The following CALB1 variants were observed in gnomAD, a reference collection of about 807,000 sequenced individuals.
CALB1 encodes the protein calbindin.
In CALB1, 16 loss-of-function variants were observed where a neutral mutation model predicts 46.7. That is an observed-to-expected ratio of 0.34 (90% confidence interval 0.23 to 0.52). The LOEUF is 0.52. Ranked by LOEUF, CALB1 falls within the 20% of genes least tolerant of loss-of-function variation. The pLI is 0.95. For missense variants in CALB1, 224 were observed against 300.3 expected, an observed-to-expected ratio of 0.75 and a Z score of 1.88; for synonymous variants, 90 against 112.8, an observed-to-expected ratio of 0.80 and a Z score of 1.28.
At position 90,059,906 on chromosome 8, in the gene CALB1, G is replaced by T. The variant is rs538656978; in HGVS notation, c.*267C>A. On this transcript the variant is annotated 3_prime_UTR_variant, in exon 11 of 11. Coordinates refer to ENST00000265431, the MANE Select transcript of CALB1 (RefSeq NM_004929.4). Reference sequence around the variant, plus strand: ...AGGGAAATCTTGTTCAACTATATTTGTGAAAGCAAGAATATGTTATTTTTT... The same window carrying T: ...AGGGAAATCTTGTTCAACTATATTTTTGAAAGCAAGAATATGTTATTTTTT... 2 of 318,452 alleles carry T rather than the reference G, an allele frequency of 6.3e-6. No homozygotes were observed. Among genetic ancestry groups the T allele is most frequent in the African/African-American group, 2.1e-5 (1 of 46,882 alleles). 19.7% of individuals were successfully genotyped at this position (318,452 alleles called of 1,614,324 possible). A position where few individuals can be genotyped will look rare whatever the true frequency, so the allele number is the denominator to read the frequency against.
Position 90,069,007 on chromosome 8 carries a change from C to T in CALB1, c.363G>A (p.Glu121=). The T allele has an allele frequency of 6.2e-7, 1 of 1,611,690 alleles. No individual in the cohort carries two copies. Among genetic ancestry groups the T allele is most frequent in the Non-Finnish European group, 8.5e-7 (1 of 1,178,846 alleles). Residue 121 remains glutamate (E), a synonymous_variant, in exon 5 of 11, where the codon GAG becomes GAA. Transcript: ENST00000265431. ...DTDHSGFIET[E]ELKNFLKDLL... ...GTTTTTATTTGCTTACCTTAAGCTC[C>T]TCAGTTTCTATGAAGCCACTGTGGT...
chr8:90,081,165 C>A (rs974380436), intron 2 of CALB1, among the ~76,000 whole-genome samples: 1 of 152,110 alleles, frequency 6.6e-6, no homozygotes, highest in Non-Finnish European at 1.5e-5. Context: ...CAAAGGGAGT[C>A]ATTTATAATT....
In CALB1 at chr8:90,062,893, C is replaced by T. The variant is rs535807881; in HGVS notation, c.600+207G>A. On this transcript the variant is annotated intron_variant, in intron 9 of 10. Coordinates refer to ENST00000265431, the MANE Select transcript of CALB1 (RefSeq NM_004929.4). ...ACACTCATAAAGTAGAATGTTATTG[C>T]CAGGGCTGGGGGAAGGAGAAATGAC... 4.7e-5 allele frequency: 22 copies of T among 465,406 alleles called. No homozygotes were observed. In the South Asian group the frequency reaches 6.7e-4, roughly 14 times the overall value. The allele number at this position is 465,406 out of a possible 1,614,324, so 28.8% of individuals were successfully genotyped here.
Position 90,060,644 on chromosome 8 carries a change from G to A in CALB1, c.657C>T (p.Cys219=), listed in dbSNP as rs200099686. 2.0e-4 allele frequency: 324 copies of A among 1,613,112 alleles called. 1 individual carries two copies. The highest frequency in any genetic ancestry group is 1.9e-4 in the African/African-American group (14 of 74,880). Residue 219 remains cysteine (C), a synonymous_variant, in exon 10 of 11, where the codon TGC becomes TGT. Transcript: ENST00000265431. ...ACTAAGTTACCTGTTTATTCTTCTC[G>A]CACAGATCCTTCAGTAAAGCATCCA... is the stretch of plus-strand genomic sequence containing the variant. ...NELDALLKDL[C]EKNKQDLDIN... is the part of the protein sequence containing the mutation.
chr8:90,072,022 T>A (rs957643928), intron 3 of CALB1, among the ~76,000 whole-genome samples: 3 of 152,218 alleles, frequency 2.0e-5, no homozygotes, highest in Admixed American at 2.0e-4. Flanking sequence ...ATTAAAAACA[T>A]CTACTTAAAA....
chr8:90,060,691 C>A lies in CALB1; in HGVS notation c.610G>T (p.Gly204Ter). 6.2e-7 allele frequency: 1 copy of A among 1,612,762 alleles called. No individual in the cohort carries two copies. Among genetic ancestry groups the A allele is most frequent in the Non-Finnish European group, 8.5e-7 (1 of 1,178,806 alleles). The change falls in exon 10 of 11, where the codon GGA becomes TGA. Residue 204 changes from glycine (G) to a stop codon, truncating the protein, a stop_gained. Coordinates refer to ENST00000265431, the MANE Select transcript of CALB1 (RefSeq NM_004929.4). LOFTEE classifies it high-confidence loss of function. Reference protein sequence around the residue: ...AFELYDQDGNGYIDENELDAL... With the variant: ...AFELYDQDGN ...TCCAGTTCATTTTCATCTATGTATC[C>A]ATTGCCGTCCTGGGGGAGGAGAAAT...
chr8:90,080,489 T>C (rs1271592512), intron 2 of CALB1, among the ~76,000 whole-genome samples: 3 of 151,936 alleles, frequency 2.0e-5, no homozygotes, highest in African/African-American at 4.8e-5. Flanking sequence ...TTTTAAAATA[T>C]GTATTTTTAA....
Position 90,063,687 on chromosome 8 carries a change from G to A in CALB1, c.451-226C>T, listed in dbSNP as rs181300615. ...TAGAATAGTCAAACAGAGAAATAGT[G>A]GTTTTAGCTATGTTTCTAGAATACT... On this transcript the variant is annotated intron_variant, in intron 6 of 10. Coordinates refer to ENST00000265431, the MANE Select transcript of CALB1 (RefSeq NM_004929.4). 3,995 of 467,788 alleles carry A rather than the reference G, an allele frequency of 8.5e-3. 26 individuals are homozygous for A. The highest frequency in any genetic ancestry group is 0.012 in the Non-Finnish European group (3,076 of 263,956). The allele number at this position is 467,788 out of a possible 1,614,324, so 29.0% of individuals were successfully genotyped here. A position where few individuals can be genotyped will look rare whatever the true frequency, so the allele number is the denominator to read the frequency against.
chr8:90,082,040 T>C lies in CALB1; in HGVS notation c.142A>G (p.Lys48Glu). 1 of 1,613,912 alleles carries C rather than the reference T, an allele frequency of 6.2e-7. No individual in the cohort carries two copies. Among genetic ancestry groups the C allele is most frequent in the Non-Finnish European group, 8.5e-7 (1 of 1,179,866 alleles). The change falls in exon 2 of 11, where the codon AAG (lysine) becomes GAG (glutamate). Residue 48 changes from lysine to glutamate, a missense_variant. Coordinates refer to ENST00000265431, the MANE Select transcript of CALB1 (RefSeq NM_004929.4). ...CTTGAACCTACCAATCCAGCCTTCTTTCGCGCCTGCTGGAGCTCCTGGATC... is the reference window on the plus strand; with the variant it reads ...CTTGAACCTACCAATCCAGCCTTCTCTCGCGCCTGCTGGAGCTCCTGGATC... ...NLIQELQQAR[K>E]KAGLELSPEM...
intron 2 of CALB1, among the ~76,000 whole-genome samples, chr8:90,079,181 G>A (rs915422493): frequency 6.6e-6 from 1 of 151,686 alleles, no homozygotes; most frequent in Non-Finnish European, 1.5e-5. Context: ...TACGTCCTTG[G>A]GAAAGCAAAT....
chr8:90,076,381 T>C (rs918013033), intron 3 of CALB1, among the ~76,000 whole-genome samples: 13 of 151,998 alleles, frequency 8.6e-5, no homozygotes, highest in African/African-American at 3.1e-4. Flanking sequence ...CATTTATTTC[T>C]TACTTTTTCT....
At chr8:90,077,726 T>A (rs1814646111) in intron 3 of CALB1, among the ~76,000 whole-genome samples, 1 of 152,024 alleles carries the variant, frequency 6.6e-6, no homozygotes, top group African/African-American at 2.4e-5. Context: ...TTGCCCTTAA[T>A]AGGAAAAGTC....
At chr8:90,068,574 C>A (rs146621487) in intron 5 of CALB1, among the ~76,000 whole-genome samples, 4 of 152,102 alleles carry the variant, frequency 2.6e-5, no homozygotes, top group Admixed American at 2.0e-4. Context: ...ATACAACTTA[C>A]GCAAAGATTA....
intron 9 of CALB1, 85 bp downstream of exon 9, chr8:90,063,015 A>G: frequency 8.7e-6 from 8 of 921,246 alleles, no homozygotes; most frequent in South Asian, 1.5e-5. Context: ...GCAGTACTGT[A>G]TTTTATACTT....
chr8:90,069,330 TCCCTCACAGGC>T lies in CALB1; in HGVS notation c.232-104_232-94del, dbSNP rs1586180529. On this transcript the variant is annotated intron_variant, in intron 3 of 10. Transcript: ENST00000265431. ...GCTGCTTAGTTTTTCTTCAACGTGT[TCCCTCACAGGC>T]TAGAAAAGTAGGAGAGGAAAAACAT... 3.9e-5 allele frequency: 36 copies of T among 918,662 alleles called. No individual in the cohort carries two copies. The East Asian group carries it at 9.0e-4, about 23-fold the overall frequency. 56.9% of individuals were successfully genotyped at this position (918,662 alleles called of 1,614,324 possible).
intron 5 of CALB1, among the ~76,000 whole-genome samples, chr8:90,068,727 G>A (rs1341016336): frequency 1.3e-5 from 2 of 151,878 alleles, no homozygotes; most frequent in Admixed American, 6.6e-5. Context: ...TGGCTTATTC[G>A]GCTTATCTAT....
At chr8:90,077,567 A>G (rs926136884) in intron 3 of CALB1, among the ~76,000 whole-genome samples, 1 of 152,188 alleles carries the variant, frequency 6.6e-6, no homozygotes, top group South Asian at 2.1e-4. Context: ...CAATTTCTCT[A>G]ATAGGCTGCT....
chr8:90,078,699 T>C (rs931726673), intron 2 of CALB1, among the ~76,000 whole-genome samples: 1 of 152,050 alleles, frequency 6.6e-6, no homozygotes, highest in Non-Finnish European at 1.5e-5. Context: ...TTTGAGACTA[T>C]GCTATCCTTT....
rs375646146 is a variant in CALB1, at chr8:90,068,959, C to T, written c.372+39G>A. 1.0e-5 allele frequency: 15 copies of T among 1,490,302 alleles called. No individual in the cohort carries two copies. The African/African-American group carries it at 2.1e-4, about 21-fold the overall frequency. 92.3% of individuals were successfully genotyped at this position (1,490,302 alleles called of 1,614,324 possible). ...GGAAACTCTTAGTTCATAATTGCAT[C>T]TGAAAGGAAAAACTTAGTACAAGTT... On this transcript the variant is annotated intron_variant, in intron 5 of 10. Coordinates refer to ENST00000265431, the MANE Select transcript of CALB1 (RefSeq NM_004929.4).
Sources: allele counts gnomAD v4.1 joint callset (sites outside exome capture counted in the v4.1 genomes callset), GRCh38; gene constraint gnomAD v4.1.1; transcripts MANE v1.5; gene names NCBI Gene and HGNC (gene_info 2026-07-23, HGNC 2026-07-21).